Variants in NOL11 observed in about 807,000 individuals in gnomAD.
NOL11 encodes the protein nucleolar protein 11.
Under a neutral mutation model 93.0 loss-of-function variants are expected in NOL11, and 42 were observed. That is an observed-to-expected ratio of 0.45 (90% CI 0.35 to 0.58). NOL11 has a LOEUF of 0.58. Ranked by LOEUF, NOL11 falls within the 20% of genes least tolerant of loss-of-function variation. The pLI is 0.00. For missense variants in NOL11, 775 were observed against 841.8 expected (o/e 0.92, Z 0.98); for synonymous variants, 296 against 293.7 (o/e 1.01, Z -0.08).
Position 67,739,016 on chromosome 17 carries a change from T to C in NOL11, c.1842+6T>C. ...TCCCAGCACAGCATATCACGGTAAGTGTTCATACAAGTTGTATAGAATTTT... is the reference window on the plus strand; with the variant it reads ...TCCCAGCACAGCATATCACGGTAAGCGTTCATACAAGTTGTATAGAATTTT... On this transcript the variant is annotated splice_donor_region_variant and intron_variant, in intron 15 of 17. Coordinates refer to ENST00000253247, the MANE Select transcript of NOL11 (RefSeq NM_015462.5). 1 of 1,595,204 alleles carries C rather than the reference T, an allele frequency of 6.3e-7. No homozygotes were observed. Among genetic ancestry groups the C allele is most frequent in the Non-Finnish European group, 8.6e-7 (1 of 1,164,234 alleles).
chr17:67,728,157 G>C (rs1209895734), intron 7 of NOL11, among the ~76,000 whole-genome samples: 2 of 152,146 alleles, frequency 1.3e-5, no homozygotes, highest in Non-Finnish European at 2.9e-5. Flanking sequence ...CTACTCGGGA[G>C]GCTGAGGCAG....
At chr17:67,720,720 A>G (rs2043212092) in intron 3 of NOL11, among the ~76,000 whole-genome samples, 1 of 152,242 alleles carries the variant, frequency 6.6e-6, no homozygotes, top group Non-Finnish European at 1.5e-5. Context: ...TACTTATAAA[A>G]TGAGGATCTT....
At chr17:67,723,940 A>T in intron 5 of NOL11, 109 bp from the exon 6 acceptor site, 1 of 680,376 alleles carries the variant, frequency 1.5e-6, no homozygotes, top group Non-Finnish European at 2.4e-6. Context: ...AGATGTTTTT[A>T]AGTACTCATT....
At chr17:67,729,262 T>G (rs1186000133) in intron 7 of NOL11, among the ~76,000 whole-genome samples, 1 of 152,034 alleles carries the variant, frequency 6.6e-6, no homozygotes, top group Non-Finnish European at 1.5e-5. Flanking sequence ...ACTTGGCTAA[T>G]TTTTTTCCTT....
chr17:67,724,303 T>G (rs2055066498), intron 6 of NOL11, 110 bp downstream of exon 6: 1 of 614,094 alleles, frequency 1.6e-6, no homozygotes, highest in South Asian at 2.7e-5. Context: ...CAGCCATTTC[T>G]GTGCTTCTTT....
At chr17:67,740,722 G>C (rs1339205017) in intron 16 of NOL11, 1 of 154,512 alleles carries the variant, frequency 6.5e-6, no homozygotes, top group African/African-American at 2.4e-5. Context: ...GTAAGAATTG[G>C]AGGCAAAGAA....
intron 7 of NOL11, among the ~76,000 whole-genome samples, chr17:67,731,908 C>G (rs1315361307): frequency 1.3e-5 from 2 of 152,150 alleles, no homozygotes; most frequent in Non-Finnish European, 2.9e-5. Context: ...TATGAGCTCT[C>G]CAACTTTGTT....
At chr17:67,722,394 A>C (rs1408234842) in intron 4 of NOL11, among the ~76,000 whole-genome samples, 186 bp from the exon 5 acceptor site, 1 of 152,228 alleles carries the variant, frequency 6.6e-6, no homozygotes, top group Non-Finnish European at 1.5e-5. Context: ...CATTTAATCC[A>C]GAGCTGCATT....
At chr17:67,736,941 ATATTTACTTT>A in intron 10 of NOL11, 120 bp from the exon 11 acceptor site, 1 of 744,750 alleles carries the variant, frequency 1.3e-6, no homozygotes. Flanking sequence ...TCTATTAGTT[ATATTTACTTT>A]TAAAAGTTTT....
chr17:67,730,094 C>T (rs921838821), intron 7 of NOL11, among the ~76,000 whole-genome samples: 1 of 152,218 alleles, frequency 6.6e-6, no homozygotes, highest in Admixed American at 6.5e-5. Context: ...TGTTTCATTC[C>T]TTTTCATGGT....
In NOL11 at chr17:67,722,581, T is replaced by A. The variant is rs551382228; in HGVS notation, c.463T>A (p.Trp155Arg). 1 of 1,569,644 alleles carries A rather than the reference T, an allele frequency of 6.4e-7. No individual in the cohort carries two copies. Among genetic ancestry groups the A allele is most frequent in the Admixed American group, 2.0e-5 (1 of 48,864 alleles). The change falls in exon 5 of 18, where the codon TGG becomes AGG. Residue 155 changes from tryptophan to arginine, a missense_variant and splice_region_variant. By Grantham distance (101) the Trp-to-Arg change is moderately radical. Coordinates refer to ENST00000253247, the MANE Select transcript of NOL11 (RefSeq NM_015462.5). ...TTTTTCTTTTTTCTTTTTTTGTAGA[T>A]GGACAAAGTTTTTCGTAGTATTCAG... ...TVISDEEVIK[W>R]TKFFVVFRHP...
chr17:67,719,461 A>G (rs1287581503), intron 1 of NOL11: 3 of 339,750 alleles, frequency 8.8e-6, no homozygotes, highest in African/African-American at 4.4e-5. Context: ...GGGTTTCACC[A>G]TGTTGGTCAA....
In NOL11 at chr17:67,738,279, G is replaced by A. The variant is rs2055222242; in HGVS notation, c.1687G>A (p.Glu563Lys). The A allele has an allele frequency of 4.3e-6, 7 of 1,614,006 alleles. No individual in the cohort carries two copies. Among genetic ancestry groups the A allele is most frequent in the Non-Finnish European group, 5.9e-6 (7 of 1,179,954 alleles). The change falls in exon 14 of 18, where the codon GAG becomes AAG. Residue 563 changes from glutamate to lysine, a missense_variant. Coordinates refer to ENST00000253247, the MANE Select transcript of NOL11 (RefSeq NM_015462.5). Reference sequence around the variant, plus strand: ...AGATAAATGCAATAACTGTGATCAAGAGTTAAATAAAAAGCCCCAGGACGA... The same window carrying A: ...AGATAAATGCAATAACTGTGATCAAAAGTTAAATAAAAAGCCCCAGGACGA... ...EEDKCNNCDQ[E>K]LNKKPQDETK...
At chr17:67,738,387 C>A in intron 14 of NOL11, 32 bp downstream of exon 14, 1 of 1,437,304 alleles carries the variant, frequency 7.0e-7, no homozygotes, top group Non-Finnish European at 9.7e-7. Flanking sequence ...CCCTCTGTTT[C>A]TCTTTATAGG....
chr17:67,722,637 AG>A lies in NOL11; in HGVS notation c.519+1del, dbSNP rs1567798811. 1 of 1,569,448 alleles carries A rather than the reference AG, an allele frequency of 6.4e-7. No individual in the cohort carries two copies. Among genetic ancestry groups the A allele is most frequent in the Non-Finnish European group, 8.6e-7 (1 of 1,166,996 alleles). ...CTGTTTTAATTTTTATTACTGAAAA[AG>A]TAAGTGATATCTTCAATTCCTGGCC... On this transcript the variant is annotated splice_donor_variant, in intron 5 of 17. Transcript: ENST00000253247. LOFTEE classifies it high-confidence loss of function.
chr17:67,733,546 A>C (rs1030413586), intron 7 of NOL11, among the ~76,000 whole-genome samples: 1 of 152,176 alleles, frequency 6.6e-6, no homozygotes, highest in African/African-American at 2.4e-5. Flanking sequence ...AAGGCAGGGC[A>C]AGCACCTTTG....
chr17:67,718,562 G>C (rs9900610), intron 1 of NOL11, among the ~76,000 whole-genome samples: 2 of 152,110 alleles, frequency 1.3e-5, no homozygotes, highest in African/African-American at 4.8e-5. Flanking sequence ...TTTCTTGATA[G>C]CTCGCTAAGA....
At position 67,738,969 on chromosome 17, in the gene NOL11, C is replaced by T. The variant is rs1488015779; in HGVS notation, c.1801C>T (p.Leu601Phe). The T allele has an allele frequency of 1.2e-6, 2 of 1,613,038 alleles. No individual in the cohort carries two copies. Among genetic ancestry groups the T allele is most frequent in the East Asian group, 2.2e-5 (1 of 44,862 alleles). ...TCATTCAGCATATAGCGAGACATTTCTTCTGCCTCATTTGAAAGACATCCC... is the reference window on the plus strand; with the variant it reads ...TCATTCAGCATATAGCGAGACATTTTTTCTGCCTCATTTGAAAGACATCCC... ...ILHSAYSETF[L>F]LPHLKDIPAQ... The change falls in exon 15 of 18, where the codon CTT becomes TTT. Residue 601 changes from leucine to phenylalanine, a missense_variant. This residue lies in a region of NOL11 where 416 missense variants were observed against 525.2 expected (regional missense o/e 0.79). Coordinates refer to ENST00000253247, the MANE Select transcript of NOL11 (RefSeq NM_015462.5).
chr17:67,734,793 G>A (rs1281771882), intron 8 of NOL11, among the ~76,000 whole-genome samples: 2 of 152,148 alleles, frequency 1.3e-5, no homozygotes, highest in Non-Finnish European at 2.9e-5. Context: ...GTCCAGCCTG[G>A]ACAACATAGT....
Sources: gnomAD v4.1 joint callset for allele counts (sites outside exome capture counted in the v4.1 genomes callset) on GRCh38, gnomAD v4.1.1 for gene constraint, gnomAD v4.1.1 regional missense constraint, MANE v1.5 for transcripts, NCBI Gene and HGNC (gene_info 2026-07-23, HGNC 2026-07-21) for gene names.